Variants in YPEL2 observed in about 807,000 individuals in gnomAD.
YPEL2 encodes the protein yippee like 2.
A neutral mutation model predicts 19.1 loss-of-function variants in YPEL2; 2 were observed. The observed-to-expected ratio is 0.10, with a 90% CI of 0.04 to 0.33. The LOEUF is 0.33. YPEL2 is among the 10% of genes least tolerant of loss of function. YPEL2 has a pLI of 1.00. For synonymous variants in YPEL2, 52 were observed against 50.0 expected (o/e 1.04, Z -0.17); for missense variants, 66 against 140.7 (o/e 0.47, Z 2.68).
intron 2 of YPEL2, among the ~76,000 whole-genome samples, chr17:59,384,350 T>C (rs1328142757): frequency 2.0e-5 from 3 of 152,252 alleles, no homozygotes; most frequent in African/African-American, 7.2e-5. Flanking sequence ...CTCTGTAGCA[T>C]AGGTTTCAGG....
intron 4 of YPEL2, among the ~76,000 whole-genome samples, chr17:59,395,109 T>A (rs1344721204): frequency 6.6e-6 from 1 of 152,130 alleles, no homozygotes; most frequent in East Asian, 1.9e-4. Flanking sequence ...GACAGGAAAC[T>A]CATTTTCTTA....
At chr17:59,385,816 A>C (rs1443452091) in intron 2 of YPEL2, among the ~76,000 whole-genome samples, 1 of 152,166 alleles carries the variant, frequency 6.6e-6, no homozygotes, top group Non-Finnish European at 1.5e-5. Context: ...ATAGTTCAAA[A>C]AAGTTGTTTA....
intron 2 of YPEL2, among the ~76,000 whole-genome samples, chr17:59,385,834 CAAAA>C (rs550921232): frequency 6.6e-6 from 1 of 151,564 alleles, no homozygotes; most frequent in Non-Finnish European, 1.5e-5. Flanking sequence ...TTATAGAAAA[CAAAA>C]AAAACTAGAG....
chr17:59,380,415 A>G (rs1314881099), intron 2 of YPEL2, among the ~76,000 whole-genome samples: 10 of 151,082 alleles, frequency 6.6e-5, no homozygotes, highest in African/African-American at 2.4e-4. Context: ...GATTACAGGC[A>G]TGCATCACCA....
intron 2 of YPEL2, among the ~76,000 whole-genome samples, chr17:59,367,515 C>T (rs2147946808): frequency 6.6e-6 from 1 of 152,282 alleles, no homozygotes; most frequent in African/African-American, 2.4e-5. Flanking sequence ...TGGATGTTTT[C>T]CAGAAAAACT....
At chr17:59,344,869 C>T (rs766234985) in intron 1 of YPEL2, among the ~76,000 whole-genome samples, 1 of 152,226 alleles carries the variant, frequency 6.6e-6, no homozygotes, top group Non-Finnish European at 1.5e-5. Flanking sequence ...CCAGAAGGCT[C>T]TGTAGCTCTT....
intron 2 of YPEL2, among the ~76,000 whole-genome samples, chr17:59,365,520 G>A (rs2047864181): frequency 6.6e-6 from 1 of 152,240 alleles, no homozygotes; most frequent in Admixed American, 6.5e-5. Context: ...CTGGCCTGGA[G>A]AGTGAAGCTG....
At chr17:59,356,841 C>T (rs779618055) in intron 2 of YPEL2, among the ~76,000 whole-genome samples, 5 of 152,202 alleles carry the variant, frequency 3.3e-5, no homozygotes, top group Non-Finnish European at 7.3e-5. Context: ...GGGTCTCTCT[C>T]TGTCCTCTTT....
chr17:59,349,067 G>A (rs551254349), intron 1 of YPEL2, among the ~76,000 whole-genome samples: 3,293 of 150,570 alleles, frequency 0.022, 57 homozygotes, highest in Non-Finnish European at 0.036. Flanking sequence ...CCAGCTACTC[G>A]GGAGGCTGAG....
chr17:59,393,717 T>C (rs1404775576), intron 4 of YPEL2, among the ~76,000 whole-genome samples: 3 of 148,198 alleles, frequency 2.0e-5, no homozygotes. Flanking sequence ...TGATGACTCT[T>C]AACGAGCATG....
chr17:59,351,772 T>G (rs2047788738), intron 1 of YPEL2, among the ~76,000 whole-genome samples: 1 of 152,200 alleles, frequency 6.6e-6, no homozygotes, highest in Admixed American at 6.5e-5. Context: ...CCTTCAACAG[T>G]CAGATAGCTC....
intron 2 of YPEL2, among the ~76,000 whole-genome samples, chr17:59,381,731 G>A (rs11656796): frequency 0.032 from 4,941 of 152,154 alleles, 131 homozygotes; most frequent in Admixed American, 0.047. Flanking sequence ...AGTTTTGTGT[G>A]GCTTAAAAAA....
At chr17:59,350,777 A>G (rs904011581) in intron 1 of YPEL2, among the ~76,000 whole-genome samples, 26 of 152,198 alleles carry the variant, frequency 1.7e-4, no homozygotes, top group Admixed American at 6.5e-5. Flanking sequence ...CTCTGGGGAA[A>G]TGTATAATTT....
Position 59,353,795 on chromosome 17 carries a change from G to A in YPEL2, c.117+269G>A, listed in dbSNP as rs555713052. The A allele has an allele frequency of 4.7e-6, 2 of 427,456 alleles. No individual in the cohort carries two copies. The highest frequency in any genetic ancestry group is 2.0e-5 in the African/African-American group (1 of 49,376). 26.5% of individuals were successfully genotyped at this position (427,456 alleles called of 1,614,324 possible). Reference sequence around the variant, plus strand: ...TGCAAGCCAGAGAAGGGAGGGGCTGGGGATTGATGGGAGCCTTGTTCTCAG... The same window carrying A: ...TGCAAGCCAGAGAAGGGAGGGGCTGAGGATTGATGGGAGCCTTGTTCTCAG... On this transcript the variant is annotated intron_variant, in intron 2 of 4. Transcript: ENST00000312655. The surrounding 1 kb of genome is among the most constrained non-coding windows in gnomAD (Gnocchi z 4.8).
chr17:59,394,039 A>G (rs2048023182), intron 4 of YPEL2, among the ~76,000 whole-genome samples: 1 of 152,194 alleles, frequency 6.6e-6, no homozygotes, highest in African/African-American at 2.4e-5. Context: ...TACACCTTCC[A>G]GACGGGGTGG....
chr17:59,342,111 T>C (rs1459602127), intron 1 of YPEL2, among the ~76,000 whole-genome samples: 4 of 152,168 alleles, frequency 2.6e-5, no homozygotes, highest in Non-Finnish European at 4.4e-5. Flanking sequence ...TTGGATTTAT[T>C]TGAATTGGGA....
In YPEL2 at chr17:59,398,189, A is replaced by G; in HGVS notation, c.*999A>G. The G allele has an allele frequency of 6.6e-6, 1 of 152,142 alleles. No homozygotes were observed. Among genetic ancestry groups the G allele is most frequent in the East Asian group, 1.9e-4 (1 of 5,194 alleles). 9.4% of individuals were successfully genotyped at this position (152,142 alleles called of 1,614,324 possible). On this transcript the variant is annotated 3_prime_UTR_variant, in exon 5 of 5. Coordinates refer to ENST00000312655, the MANE Select transcript of YPEL2 (RefSeq NM_001005404.4). ...GACCCCTCATAAGAGGAGTGTGGTG[A>G]GGGAGGGGACTGGGTAGGGGTCATC...
intron 2 of YPEL2, among the ~76,000 whole-genome samples, chr17:59,359,832 C>T (rs972134144): frequency 4.6e-5 from 7 of 152,242 alleles, no homozygotes; most frequent in African/African-American, 7.2e-5. Flanking sequence ...AGGGTGGGAA[C>T]AACTGCTCTG....
At chr17:59,368,291 C>T (rs977232766) in intron 2 of YPEL2, among the ~76,000 whole-genome samples, 3 of 152,074 alleles carry the variant, frequency 2.0e-5, no homozygotes, top group African/African-American at 7.2e-5. Flanking sequence ...TCCATATTGC[C>T]CAGGGTGGTC....
Sources: allele counts gnomAD v4.1 joint callset (sites outside exome capture counted in the v4.1 genomes callset), GRCh38; gene constraint gnomAD v4.1.1; non-coding constraint Gnocchi (gnomAD v3.1); transcripts MANE v1.5; gene names NCBI Gene and HGNC (gene_info 2026-07-23, HGNC 2026-07-21).